Variants in ADAMTS14 observed in about 807,000 individuals in gnomAD.
The protein encoded by ADAMTS14 is ADAM metallopeptidase with thrombospondin type 1 motif 14.
In ADAMTS14, 100 loss-of-function variants were observed where a neutral mutation model predicts 128.6. The observed-to-expected ratio is 0.78, with a 90% CI of 0.66 to 0.92. The LOEUF is 0.92. Ranked by LOEUF, ADAMTS14 falls within the 40% of genes least tolerant of loss-of-function variation. The probability of loss-of-function intolerance (pLI) is 0.00; values close to 1 mark genes in which losing one functional copy is unlikely to be tolerated. For missense variants in ADAMTS14, 1,562 were observed against 1,658.6 expected (o/e 0.94, Z 1.01); for synonymous variants, 665 against 653.8 (o/e 1.02, Z -0.26).
intron 19 of ADAMTS14, among the ~76,000 whole-genome samples, chr10:70,755,893 T>G (rs958350397): frequency 6.6e-6 from 1 of 152,188 alleles, no homozygotes; most frequent in Non-Finnish European, 1.5e-5. Flanking sequence ...TTATGTTATA[T>G]AGATATTACC....
At chr10:70,696,163 GA>G (rs1184577984) in intron 2 of ADAMTS14, among the ~76,000 whole-genome samples, 1 of 152,190 alleles carries the variant, frequency 6.6e-6, no homozygotes, top group Non-Finnish European at 1.5e-5. Flanking sequence ...TGGTCTTGTA[GA>G]AAGGAGAGTG....
chr10:70,762,202 G>A lies in ADAMTS14; in HGVS notation c.*1349G>A, dbSNP rs1367926318. ...CTTCCTTCCCCAAGGCAAAGGGGCT[G>A]TTCTGAGCCAGCCTGGAGGAACATG... On this transcript the variant is annotated 3_prime_UTR_variant, in exon 22 of 22. Coordinates refer to ENST00000373207, the MANE Select transcript of ADAMTS14 (RefSeq NM_080722.4). The A allele has an allele frequency of 2.0e-5, 3 of 152,652 alleles. No homozygotes were observed. Among genetic ancestry groups the A allele is most frequent in the Non-Finnish European group, 4.4e-5 (3 of 68,116 alleles). The allele number at this position is 152,652 out of a possible 1,614,324, so 9.5% of individuals were successfully genotyped here. A position where few individuals can be genotyped will look rare whatever the true frequency, so the allele number is the denominator to read the frequency against.
chr10:70,760,292 G>A (rs1842574853), intron 21 of ADAMTS14, 68 bp from the exon 22 acceptor site: 2 of 1,495,976 alleles, frequency 1.3e-6, no homozygotes, highest in Non-Finnish European at 1.8e-6. Flanking sequence ...GTAAGTGGGA[G>A]GGGGGGCCAC....
At chr10:70,696,822 T>C (rs1840345478) in intron 2 of ADAMTS14, among the ~76,000 whole-genome samples, 1 of 152,148 alleles carries the variant, frequency 6.6e-6, no homozygotes, top group African/African-American at 2.4e-5. Context: ...CCAAGGAGCG[T>C]GGCTGGCAGT....
intron 11 of ADAMTS14, among the ~76,000 whole-genome samples, chr10:70,740,745 A>G (rs1160454719): frequency 6.6e-6 from 1 of 152,196 alleles, no homozygotes; most frequent in Non-Finnish European, 1.5e-5. Context: ...CGTCACACTC[A>G]CCGTGGAATA....
intron 3 of ADAMTS14, among the ~76,000 whole-genome samples, chr10:70,706,283 C>T (rs192167134): frequency 1.8e-4 from 27 of 152,316 alleles, no homozygotes; most frequent in African/African-American, 5.3e-4. Context: ...GTTTACATTC[C>T]GGGCTGTTGT....
At chr10:70,747,427 C>A (rs1402471565) in intron 15 of ADAMTS14, among the ~76,000 whole-genome samples, 1 of 151,930 alleles carries the variant, frequency 6.6e-6, no homozygotes, top group African/African-American at 2.4e-5. Context: ...TCAGGCAAGT[C>A]CTGCCTGCTG....
intron 15 of ADAMTS14, among the ~76,000 whole-genome samples, chr10:70,748,490 G>A (rs1842251399): frequency 6.6e-6 from 1 of 152,166 alleles, no homozygotes; most frequent in Non-Finnish European, 1.5e-5. Flanking sequence ...CAGCCTCCCA[G>A]GAAGGGGCGA....
At chr10:70,716,068 T>C (rs1444976083) in intron 4 of ADAMTS14, among the ~76,000 whole-genome samples, 3 of 152,204 alleles carry the variant, frequency 2.0e-5, no homozygotes, top group East Asian at 1.9e-4. Flanking sequence ...CCGGGGAACA[T>C]TGTCAGTTTC....
chr10:70,687,235 G>A (rs1273918171), intron 2 of ADAMTS14, among the ~76,000 whole-genome samples: 2 of 108,506 alleles, frequency 1.8e-5, no homozygotes, highest in African/African-American at 3.1e-5. Flanking sequence ...CTGGGCGGGG[G>A]GCTGACCCCC....
chr10:70,675,344 T>G (rs1048225977), intron 2 of ADAMTS14, among the ~76,000 whole-genome samples: 1 of 152,176 alleles, frequency 6.6e-6, no homozygotes, highest in African/African-American at 2.4e-5. Context: ...GTTCTTTCCC[T>G]TATTTATTTT....
intron 4 of ADAMTS14, 45 bp downstream of exon 4, chr10:70,708,823 T>TGGGCCCCGGG: frequency 2.6e-6 from 1 of 391,450 alleles, no homozygotes; most frequent in Non-Finnish European, 5.0e-6. Flanking sequence ...TGGGGTGGGG[T>TGGGCCCCGGG]GGGCCCCACC....
At chr10:70,693,504 TC>T (rs1056948756) in intron 2 of ADAMTS14, among the ~76,000 whole-genome samples, 2 of 152,108 alleles carry the variant, frequency 1.3e-5, no homozygotes, top group Admixed American at 1.3e-4. Flanking sequence ...CTCGGGACCA[TC>T]CTAGGTGCCT....
At chr10:70,679,066 G>A (rs995816758) in intron 2 of ADAMTS14, among the ~76,000 whole-genome samples, 1 of 152,194 alleles carries the variant, frequency 6.6e-6, no homozygotes, top group Non-Finnish European at 1.5e-5. Context: ...GTAGGCTAGT[G>A]GGGACCCAGA....
intron 12 of ADAMTS14, 37 bp from the exon 13 acceptor site, chr10:70,743,511 C>T (rs758560875): frequency 1.3e-6 from 2 of 1,597,504 alleles, no homozygotes; most frequent in Non-Finnish European, 1.7e-6. Context: ...TTTCTCTGAG[C>T]CCAGCTGGGG....
Position 70,681,142 on chromosome 10 carries a change from C to T in ADAMTS14, c.522+6147C>T, listed in dbSNP as rs139950686. 4.3e-4 allele frequency among the ~76,000 whole-genome samples: 66 copies of T among 152,248 alleles called. 2 individuals carry two copies. The East Asian group carries it at 0.013, about 29-fold the overall frequency. On this transcript the variant is annotated intron_variant, in intron 2 of 21. Coordinates refer to ENST00000373207, the MANE Select transcript of ADAMTS14 (RefSeq NM_080722.4). Reference sequence around the variant, plus strand: ...GGTTTAAAGGGGAGGCTGAACTGCACAGTAGACAGTAAAAAGCAACACAGA... The same window carrying T: ...GGTTTAAAGGGGAGGCTGAACTGCATAGTAGACAGTAAAAAGCAACACAGA...
chr10:70,694,289 T>A (rs1196144652), intron 2 of ADAMTS14, among the ~76,000 whole-genome samples: 1 of 152,256 alleles, frequency 6.6e-6, no homozygotes, highest in Non-Finnish European at 1.5e-5. Flanking sequence ...GTGTGTCCTC[T>A]CCGTGCTTGT....
rs61754761 is a variant in ADAMTS14 at position 70,730,194 on chromosome 10, C to T, written c.1047C>T (p.His349=). 2.2e-5 allele frequency: 36 copies of T among 1,613,952 alleles called. No homozygotes were observed. In the Middle Eastern group the frequency reaches 4.9e-4, roughly 22 times the overall value. ...CCCAGCAGCGCCAGGACCCCAGCCA[C>T]GCTGAGCACCATGACCACGTTGTGT... The part of the protein sequence containing the change: ...AHSQQRQDPS[H]AEHHDHVVFL... The change falls in exon 6 of 22, where the codon CAC becomes CAT. Residue 349 remains histidine, a synonymous_variant. Coordinates refer to ENST00000373207, the MANE Select transcript of ADAMTS14 (RefSeq NM_080722.4).
chr10:70,752,365 T>C (rs1472377783), intron 18 of ADAMTS14, 138 bp downstream of exon 18: 1 of 1,304,596 alleles, frequency 7.7e-7, no homozygotes, highest in Admixed American at 2.8e-5. Context: ...TTTCAGTGCT[T>C]CTGGGCTCCA....
Sources: gnomAD v4.1 joint callset for allele counts (sites outside exome capture counted in the v4.1 genomes callset) on GRCh38, gnomAD v4.1.1 for gene constraint, MANE v1.5 for transcripts, NCBI Gene and HGNC (gene_info 2026-07-23, HGNC 2026-07-21) for gene names.